LRMDA: variants seen among roughly 807,000 people sequenced by gnomAD.
LRMDA encodes leucine rich melanocyte differentiation associated, also known as leucine-rich melanocyte differentiation-associated protein.
Under a neutral mutation model 29.8 loss-of-function variants are expected in LRMDA, and 18 were observed. That is an observed-to-expected ratio of 0.60 (90% confidence interval 0.42 to 0.90). LRMDA has a LOEUF of 0.90. Among genes scored for constraint, LRMDA ranks in the 40% least tolerant of loss-of-function variants. The pLI is 0.00. For missense variants in LRMDA, 273 were observed against 273.9 expected, an observed-to-expected ratio of 1.00 and a Z score of 0.02; for synonymous variants, 125 against 109.4, an observed-to-expected ratio of 1.14 and a Z score of -0.89.
chr10:76,552,145 C>T (rs540540672), intron 6 of LRMDA, among the ~76,000 whole-genome samples: 1 of 152,296 alleles, frequency 6.6e-6, no homozygotes, highest in African/African-American at 2.4e-5. Flanking sequence ...ATGTGTTGGT[C>T]CAACCTGCAC....
intron 2 of LRMDA, among the ~76,000 whole-genome samples, chr10:75,488,138 C>T (rs1439218468): frequency 6.6e-6 from 1 of 152,134 alleles, no homozygotes; most frequent in African/African-American, 2.4e-5. Flanking sequence ...GGTGTATGCC[C>T]TGCCTCTGTT....
intron 2 of LRMDA, among the ~76,000 whole-genome samples, chr10:75,590,020 A>ATT (rs35499338): frequency 1.5e-5 from 2 of 136,876 alleles, no homozygotes; most frequent in African/African-American, 2.7e-5. Context: ...GAAGATGATG[A>ATT]TTTTTTTTTT....
At position 76,153,851 on chromosome 10, in the gene LRMDA, C is replaced by T. The variant is rs1002804195; in HGVS notation, c.516+95068C>T. On this transcript the variant is annotated intron_variant, in intron 5 of 6. Transcript: ENST00000611255. Reference sequence around the variant, plus strand: ...AAAGAGAAGGTACCTATTGCTAGTCCTGTTCAGCAGAGTGACTATTCCTGA... The same window carrying T: ...AAAGAGAAGGTACCTATTGCTAGTCTTGTTCAGCAGAGTGACTATTCCTGA... Among the ~76,000 whole-genome samples, 4 of 152,272 alleles carry T rather than the reference C, an allele frequency of 2.6e-5. No homozygotes were observed. In the South Asian group the frequency reaches 8.3e-4, roughly 32 times the overall value.
intron 6 of LRMDA, among the ~76,000 whole-genome samples, chr10:76,394,997 A>T (rs1439713541): frequency 2.0e-5 from 3 of 152,166 alleles, no homozygotes; most frequent in Non-Finnish European, 4.4e-5. Context: ...CTTAATTCTC[A>T]TAAGTAGAAC....
chr10:76,429,940 C>A (rs187710578), intron 6 of LRMDA, among the ~76,000 whole-genome samples: 1 of 152,076 alleles, frequency 6.6e-6, no homozygotes, highest in Non-Finnish European at 1.5e-5. Context: ...GAACCAGATC[C>A]GAGACAACTA....
intron 5 of LRMDA, among the ~76,000 whole-genome samples, chr10:76,126,707 C>T (rs1849890366): frequency 6.6e-6 from 1 of 152,148 alleles, no homozygotes; most frequent in Admixed American, 6.5e-5. Context: ...GATTGCTGAC[C>T]AGCCTATTGC....
intron 2 of LRMDA, among the ~76,000 whole-genome samples, chr10:75,533,871 T>C (rs866456414): frequency 1.3e-5 from 2 of 152,188 alleles, no homozygotes; most frequent in African/African-American, 4.8e-5. Context: ...GAGGGGACTT[T>C]GTCAAAAGAC....
At chr10:76,555,912 G>GT (rs1397626331) in intron 6 of LRMDA, among the ~76,000 whole-genome samples, 5 of 151,210 alleles carry the variant, frequency 3.3e-5, no homozygotes, top group African/African-American at 4.9e-5. Context: ...TCCTTTCTTT[G>GT]TTTTTTTCTA....
intron 2 of LRMDA, among the ~76,000 whole-genome samples, chr10:75,852,936 A>G (rs72811434): frequency 0.14 from 21,211 of 152,174 alleles, 1,863 homozygotes; most frequent in Admixed American, 0.21. Flanking sequence ...GAAACTTACA[A>G]TCATGTCAAA....
At position 76,139,547 on chromosome 10, in the gene LRMDA, A is replaced by G. The variant is rs569342666; in HGVS notation, c.516+80764A>G. Among the ~76,000 whole-genome samples the G allele has an allele frequency of 7.9e-5, 12 of 152,298 alleles. No individual in the cohort carries two copies. In the South Asian group the frequency reaches 2.5e-3, roughly 32 times the overall value. On this transcript the variant is annotated intron_variant, in intron 5 of 6. Coordinates refer to ENST00000611255, the MANE Select transcript of LRMDA (RefSeq NM_001305581.2). ...GATAGAAACTTGTCAATCATTTCCAAGGCAATATGTTGCCATCTAACTGTT... is the reference window on the plus strand; with the variant it reads ...GATAGAAACTTGTCAATCATTTCCAGGGCAATATGTTGCCATCTAACTGTT...
At chr10:75,801,364 T>G (rs913524514) in intron 2 of LRMDA, among the ~76,000 whole-genome samples, 2 of 152,236 alleles carry the variant, frequency 1.3e-5, no homozygotes, top group African/African-American at 4.8e-5. Flanking sequence ...TTTTCTTGAG[T>G]TCTGGCTGCT....
intron 2 of LRMDA, among the ~76,000 whole-genome samples, chr10:75,552,748 GC>G (rs1840168081): frequency 6.7e-6 from 1 of 149,900 alleles, no homozygotes; most frequent in Non-Finnish European, 1.5e-5. Context: ...GCTCTCATAT[GC>G]TTTTTTTTTT....
chr10:76,528,796 T>C (rs1025740016), intron 6 of LRMDA, among the ~76,000 whole-genome samples: 1 of 152,134 alleles, frequency 6.6e-6, no homozygotes, highest in Non-Finnish European at 1.5e-5. Context: ...TTCTTTGATT[T>C]TGGTTCTATC....
chr10:75,477,155 A>T lies in LRMDA; in HGVS notation c.131+38661A>T, dbSNP rs983143455. On this transcript the variant is annotated intron_variant, in intron 2 of 6. Transcript: ENST00000611255. Reference sequence around the variant, plus strand: ...ACAGGTGTATACCATCACCTAGCTAATTTTTTTAGAGATGGGGTCTTGCTA... The same window carrying T: ...ACAGGTGTATACCATCACCTAGCTATTTTTTTTAGAGATGGGGTCTTGCTA... Among the ~76,000 whole-genome samples, 29 of 152,002 alleles carry T rather than the reference A, an allele frequency of 1.9e-4. 1 individual carries two copies. Among genetic ancestry groups the T allele is most frequent in the Middle Eastern group, 6.8e-3 (2 of 294 alleles).
chr10:75,915,801 C>T (rs1021929071), intron 2 of LRMDA, among the ~76,000 whole-genome samples: 3 of 152,158 alleles, frequency 2.0e-5, no homozygotes, highest in Admixed American at 6.5e-5. Context: ...ATTCAGCTAG[C>T]TCTGCAGGGG....
intron 2 of LRMDA, among the ~76,000 whole-genome samples, chr10:75,695,972 G>T (rs966649625): frequency 6.6e-6 from 1 of 151,940 alleles, no homozygotes; most frequent in Non-Finnish European, 1.5e-5. Flanking sequence ...TTGGCTCCAG[G>T]TATATTCCGG....
intron 2 of LRMDA, among the ~76,000 whole-genome samples, chr10:76,013,201 C>T (rs1382560296): frequency 6.6e-6 from 1 of 152,076 alleles, no homozygotes; most frequent in Non-Finnish European, 1.5e-5. Flanking sequence ...GTAATGGGAC[C>T]CAGGAGAATG....
In LRMDA at chr10:76,377,239, G is replaced by T. The variant is rs552034215; in HGVS notation, c.601+52754G>T. 1.9e-3 allele frequency among the ~76,000 whole-genome samples: 293 copies of T among 152,154 alleles called. 1 individual carries two copies. Among genetic ancestry groups the T allele is most frequent in the African/African-American group, 6.8e-3 (284 of 41,526 alleles). On this transcript the variant is annotated intron_variant, in intron 6 of 6. Coordinates refer to ENST00000611255, the MANE Select transcript of LRMDA (RefSeq NM_001305581.2). ...TATCCTTTGCCTACCTTTTAATGGG[G>T]TTATTTATTTTGTTTTTCTTGTTGA...
chr10:75,963,360 T>G (rs1307642157), intron 2 of LRMDA, among the ~76,000 whole-genome samples: 2 of 152,240 alleles, frequency 1.3e-5, no homozygotes, highest in Non-Finnish European at 1.5e-5. Context: ...AGGACAAAGC[T>G]GTACATAGAA....
Sources: gnomAD v4.1 joint callset for allele counts (sites outside exome capture counted in the v4.1 genomes callset) on GRCh38, gnomAD v4.1.1 for gene constraint, MANE v1.5 for transcripts, NCBI Gene and HGNC (gene_info 2026-07-23, HGNC 2026-07-21) for gene names.